PRKN: variants seen among roughly 807,000 people sequenced by gnomAD.
The protein encoded by PRKN is E3 ubiquitin-protein ligase parkin.
Under a neutral mutation model 59.5 loss-of-function variants are expected in PRKN, and 56 were observed. That is an observed-to-expected ratio of 0.94 (90% CI 0.76 to 1.18). The LOEUF (loss-of-function observed/expected upper bound fraction) is 1.18, where lower values mean the gene tolerates loss of function less well. Among genes scored for constraint, PRKN ranks in the 50% most tolerant of loss-of-function variants. The pLI, the probability that PRKN is intolerant of heterozygous loss-of-function variation, is 0.00. For missense variants in PRKN, 657 were observed against 596.4 expected, an observed-to-expected ratio of 1.10 and a Z score of -1.06; for synonymous variants, 250 against 222.1, an observed-to-expected ratio of 1.13 and a Z score of -1.12.
At chr6:161,597,567 A>G (rs922540611) in intron 7 of PRKN, among the ~76,000 whole-genome samples, 2 of 152,142 alleles carry the variant, frequency 1.3e-5, no homozygotes, top group African/African-American at 2.4e-5. Flanking sequence ...ATTCTTCCAC[A>G]TTCCCGGACA....
intron 6 of PRKN, among the ~76,000 whole-genome samples, chr6:161,851,580 C>T: frequency 6.6e-6 from 1 of 151,644 alleles, no homozygotes; most frequent in Non-Finnish European, 1.5e-5. Context: ...CTGATGGGCT[C>T]AAGTGATTCT....
intron 1 of PRKN, among the ~76,000 whole-genome samples, chr6:162,483,343 AAAG>A (rs1792389652): frequency 6.6e-6 from 1 of 152,164 alleles, no homozygotes; most frequent in African/African-American, 2.4e-5. Context: ...GGTGGAGGTA[AAAG>A]AAGTTATGCC....
chr6:162,551,251 G>A (rs1208646050), intron 1 of PRKN, among the ~76,000 whole-genome samples: 1 of 151,944 alleles, frequency 6.6e-6, no homozygotes, highest in Non-Finnish European at 1.5e-5. Context: ...AATTCCACCA[G>A]GTATAAATCT....
At chr6:162,677,791 TA>T (rs1188819869) in intron 1 of PRKN, among the ~76,000 whole-genome samples, 1 of 152,202 alleles carries the variant, frequency 6.6e-6, no homozygotes, top group East Asian at 1.9e-4. Flanking sequence ...AAGGACAACG[TA>T]TTTTTTGAAA....
chr6:161,422,097 G>A (rs1788131277), intron 9 of PRKN, among the ~76,000 whole-genome samples: 1 of 151,766 alleles, frequency 6.6e-6, no homozygotes, highest in Non-Finnish European at 1.5e-5. Context: ...ACTGTGGCAG[G>A]ATCCACATAA....
intron 7 of PRKN, among the ~76,000 whole-genome samples, chr6:161,690,958 A>AATCC (rs35211075): frequency 0.28 from 40,545 of 145,646 alleles, 5,820 homozygotes; most frequent in South Asian, 0.39. Flanking sequence ...TCGATTGAAC[A>AATCC]ATCCATCCAT....
chr6:162,205,593 C>T (rs112921516), intron 3 of PRKN, among the ~76,000 whole-genome samples: 2,036 of 152,112 alleles, frequency 0.013, 48 homozygotes, highest in African/African-American at 0.046. Flanking sequence ...CATATTGTAA[C>T]AGAGCAAAAC....
intron 4 of PRKN, among the ~76,000 whole-genome samples, chr6:162,170,912 GTAAA>G (rs112443996): frequency 0.089 from 13,480 of 152,080 alleles, 721 homozygotes; most frequent in African/African-American, 0.15. Context: ...AATAAGAAAG[GTAAA>G]TAAAAACAAT....
intron 6 of PRKN, among the ~76,000 whole-genome samples, chr6:161,930,752 T>G (rs1562398109): frequency 6.6e-6 from 1 of 152,236 alleles, no homozygotes; most frequent in East Asian, 1.9e-4. Flanking sequence ...ATGAGGATCC[T>G]GAATCACTTA....
intron 6 of PRKN, among the ~76,000 whole-genome samples, chr6:161,941,586 G>C (rs1779569262): frequency 6.6e-6 from 1 of 152,180 alleles, no homozygotes; most frequent in South Asian, 2.1e-4. Flanking sequence ...GATAAGGCAG[G>C]GGTCTAATTG....
At chr6:161,835,520 G>A (rs1447744222) in intron 6 of PRKN, among the ~76,000 whole-genome samples, 1 of 152,184 alleles carries the variant, frequency 6.6e-6, no homozygotes, top group Admixed American at 6.5e-5. Flanking sequence ...ATTCTGCTTA[G>A]ACTAATACGA....
intron 7 of PRKN, among the ~76,000 whole-genome samples, chr6:161,655,091 G>A (rs914851922): frequency 3.3e-5 from 5 of 150,062 alleles, no homozygotes; most frequent in African/African-American, 9.9e-5. Flanking sequence ...GGCCCACCCA[G>A]GCTCTCAGCG....
chr6:161,656,720 C>T (rs1784364376), intron 7 of PRKN, among the ~76,000 whole-genome samples: 1 of 152,162 alleles, frequency 6.6e-6, no homozygotes, highest in Non-Finnish European at 1.5e-5. Flanking sequence ...GTAGCTCCCA[C>T]CCTTGGCCCC....
chr6:161,384,889 T>G (rs985439401), intron 10 of PRKN, among the ~76,000 whole-genome samples: 1 of 152,110 alleles, frequency 6.6e-6, no homozygotes, highest in South Asian at 2.1e-4. Context: ...TCTCCCCCCA[T>G]GGCTCCCCTA....
chr6:162,302,437 A>G (rs1273660179), intron 2 of PRKN, among the ~76,000 whole-genome samples: 2 of 152,150 alleles, frequency 1.3e-5, no homozygotes, highest in African/African-American at 2.4e-5. Flanking sequence ...GGAGACTTCA[A>G]TCATGAGAGA....
At chr6:162,502,334 C>A (rs60124387) in intron 1 of PRKN, among the ~76,000 whole-genome samples, 30,243 of 151,994 alleles carry the variant, frequency 0.2, 3,314 homozygotes, top group African/African-American at 0.28. Context: ...CTACTTTTTA[C>A]ATTTTTTGTA....
intron 1 of PRKN, among the ~76,000 whole-genome samples, chr6:162,632,502 A>C (rs1253772893): frequency 6.6e-6 from 1 of 152,144 alleles, no homozygotes. Flanking sequence ...TATGAGAAGG[A>C]GGAGGGAGGG....
chr6:161,941,512 T>C (rs1779566365), intron 6 of PRKN, among the ~76,000 whole-genome samples: 1 of 152,202 alleles, frequency 6.6e-6, no homozygotes, highest in African/African-American at 2.4e-5. Context: ...AGGCCACTTG[T>C]GATCCGATTC....
At chr6:161,718,667 G>A (rs1787092953) in intron 7 of PRKN, among the ~76,000 whole-genome samples, 1 of 151,936 alleles carries the variant, frequency 6.6e-6, no homozygotes, top group Non-Finnish European at 1.5e-5. Flanking sequence ...TGCCAGTAAG[G>A]CTGCACCCAT....
Sources: allele counts gnomAD v4.1 joint callset (sites outside exome capture counted in the v4.1 genomes callset), GRCh38; gene constraint gnomAD v4.1.1; transcripts MANE v1.5; gene names NCBI Gene and HGNC (gene_info 2026-07-23, HGNC 2026-07-21).